PLXDC1: variants seen among roughly 807,000 people sequenced by gnomAD.
PLXDC1 encodes plexin domain containing 1.
Under a neutral mutation model 61.3 loss-of-function variants are expected in PLXDC1, and 39 were observed. The observed-to-expected ratio is 0.64, with a 90% CI of 0.49 to 0.83. PLXDC1 has a LOEUF of 0.83. Ranked by LOEUF, PLXDC1 falls within the 40% of genes least tolerant of loss-of-function variation. The probability of loss-of-function intolerance (pLI) is 0.00; values close to 1 mark genes in which losing one functional copy is unlikely to be tolerated. For synonymous variants in PLXDC1, 212 were observed against 254.5 expected, an observed-to-expected ratio of 0.83 and a Z score of 1.59; for missense variants, 596 against 666.5, an observed-to-expected ratio of 0.89 and a Z score of 1.17.
chr17:39,106,717 T>G (rs1260235245), intron 6 of PLXDC1, among the ~76,000 whole-genome samples: 1 of 148,814 alleles, frequency 6.7e-6, no homozygotes, highest in Admixed American at 6.8e-5. Flanking sequence ...TGGCACGATC[T>G]CAGCTCACTG....
chr17:39,151,667 G>T (rs1166389790), upstream of PLXDC1: 10 of 201,668 alleles, frequency 5.0e-5, no homozygotes, highest in Non-Finnish European at 8.4e-5. This position sits in a 1 kb window ranked among gnomAD's most constrained non-coding sequence, Gnocchi z 5.2. Flanking sequence ...CCGCTGGGTC[G>T]GTGGGGGTGG....
At chr17:39,134,742 C>T (rs1033659252) in intron 2 of PLXDC1, among the ~76,000 whole-genome samples, 1 of 152,154 alleles carries the variant, frequency 6.6e-6, no homozygotes, top group Non-Finnish European at 1.5e-5. Context: ...TACCATTCCT[C>T]CAGGGACAAG....
At chr17:39,118,906 A>T (rs1197288527) in intron 2 of PLXDC1, among the ~76,000 whole-genome samples, 13 of 152,256 alleles carry the variant, frequency 8.5e-5, no homozygotes, top group Non-Finnish European at 1.8e-4. Context: ...GAAACCATTC[A>T]AGATGAACAG....
rs1190603148 is a variant in PLXDC1, at chr17:39,109,401, C to T, written c.256-10G>A. 7 of 1,575,592 alleles carry T rather than the reference C, an allele frequency of 4.4e-6. No individual in the cohort carries two copies. The highest frequency in any genetic ancestry group is 5.2e-6 in the Non-Finnish European group (6 of 1,160,600). On this transcript the variant is annotated splice_polypyrimidine_tract_variant and intron_variant, in intron 2 of 13. Transcript: ENST00000315392. ...AGCTGTGGTTGTCCTCCTGCCGGCACCCAAGATAAAGCCCACAGGAGGTGT... is the reference window on the plus strand; with the variant it reads ...AGCTGTGGTTGTCCTCCTGCCGGCATCCAAGATAAAGCCCACAGGAGGTGT...
At chr17:39,118,902 A>G (rs539737420) in intron 2 of PLXDC1, among the ~76,000 whole-genome samples, 1 of 152,348 alleles carries the variant, frequency 6.6e-6, no homozygotes, top group African/African-American at 2.4e-5. Flanking sequence ...AACTGAAACC[A>G]TTCAAGATGA....
chr17:39,127,945 A>C (rs1267329876), intron 2 of PLXDC1, among the ~76,000 whole-genome samples: 3 of 54,164 alleles, frequency 5.5e-5, no homozygotes, highest in Non-Finnish European at 1.1e-4. Flanking sequence ...CCATCTCACA[A>C]AAAAAAAAAA....
At chr17:39,091,287 C>T (rs1157712098) in intron 7 of PLXDC1, among the ~76,000 whole-genome samples, 1 of 151,190 alleles carries the variant, frequency 6.6e-6, no homozygotes, top group African/African-American at 2.4e-5. Flanking sequence ...TCAGAGAGTA[C>T]TTATCTTGGA....
Position 39,151,439 on chromosome 17 carries a change from G to T in PLXDC1, c.-2C>A, listed in dbSNP as rs1597664814. The T allele has an allele frequency of 1.6e-6, 2 of 1,281,132 alleles. No individual in the cohort carries two copies. Among genetic ancestry groups the T allele is most frequent in the Admixed American group, 4.0e-5 (1 of 24,976 alleles). The allele number at this position is 1,281,132 out of a possible 1,614,324, so 79.4% of individuals were successfully genotyped here. ...CAGGAGCCAGAGCTCGCCTCGCATGGTGGGTGCCCGGACCTGCCCCCGGCC... is the reference window on the plus strand; with the variant it reads ...CAGGAGCCAGAGCTCGCCTCGCATGTTGGGTGCCCGGACCTGCCCCCGGCC... On this transcript the variant is annotated 5_prime_UTR_variant, in exon 1 of 14. Coordinates refer to ENST00000315392, the MANE Select transcript of PLXDC1 (RefSeq NM_020405.5). This position sits in a 1 kb window ranked among gnomAD's most constrained non-coding sequence, Gnocchi z 5.2.
At chr17:39,085,436 C>T (rs1408647128) in intron 8 of PLXDC1, among the ~76,000 whole-genome samples, 3 of 152,164 alleles carry the variant, frequency 2.0e-5, no homozygotes, top group South Asian at 2.1e-4. Context: ...CATGGTATGT[C>T]GAATCAATAT....
At chr17:39,127,943 C>CAAAAAAA (rs35444362) in intron 2 of PLXDC1, among the ~76,000 whole-genome samples, 3 of 52,918 alleles carry the variant, frequency 5.7e-5, no homozygotes, top group Non-Finnish European at 9.6e-5. Flanking sequence ...CTCCATCTCA[C>CAAAAAAA]AAAAAAAAAA....
intron 3 of PLXDC1, 112 bp downstream of exon 3, chr17:39,109,136 T>C: frequency 1.4e-6 from 2 of 1,418,078 alleles, no homozygotes; most frequent in Non-Finnish European, 9.7e-7. Flanking sequence ...CCCTGGAAGG[T>C]ACCTCCCAGG....
At chr17:39,079,652 G>A (rs1909478478) in intron 9 of PLXDC1, 1 of 432,416 alleles carries the variant, frequency 2.3e-6, no homozygotes, top group African/African-American at 2.0e-5. Context: ...ACAACTGGCT[G>A]ACAAGGGTCT....
At chr17:39,115,157 C>T (rs988448328) in intron 2 of PLXDC1, among the ~76,000 whole-genome samples, 1 of 152,206 alleles carries the variant, frequency 6.6e-6, no homozygotes. Flanking sequence ...GATCCCTGGA[C>T]TCATTCTTGG....
chr17:39,107,706 A>T (rs1910648388), intron 5 of PLXDC1, 181 bp from the exon 6 acceptor site: 1 of 630,500 alleles, frequency 1.6e-6, no homozygotes, highest in Non-Finnish European at 2.9e-6. Flanking sequence ...TCCAAGCAGC[A>T]GAGGAGCCAG....
intron 7 of PLXDC1, among the ~76,000 whole-genome samples, chr17:39,098,741 G>A (rs1910314769): frequency 6.6e-6 from 1 of 152,146 alleles, no homozygotes; most frequent in Non-Finnish European, 1.5e-5. Flanking sequence ...GGAGAATGGT[G>A]CCAAGCAGTA....
chr17:39,092,971 A>G (rs1910010931), intron 7 of PLXDC1, among the ~76,000 whole-genome samples: 1 of 152,222 alleles, frequency 6.6e-6, no homozygotes. Context: ...CCTCTCACCC[A>G]GCTGCATACA....
intron 10 of PLXDC1, among the ~76,000 whole-genome samples, chr17:39,078,506 A>C (rs1471310550): frequency 2.0e-5 from 3 of 152,236 alleles, no homozygotes; most frequent in Non-Finnish European, 4.4e-5. Flanking sequence ...CACATGCAGC[A>C]TGCTTGCTTT....
intron 7 of PLXDC1, among the ~76,000 whole-genome samples, chr17:39,105,582 A>G (rs1437173978): frequency 6.6e-6 from 1 of 152,132 alleles, no homozygotes; most frequent in African/African-American, 2.4e-5. Context: ...GGTTTTCTAC[A>G]TAGAACAGGG....
chr17:39,088,831 C>T (rs913617474), intron 7 of PLXDC1, among the ~76,000 whole-genome samples: 2 of 150,690 alleles, frequency 1.3e-5, no homozygotes, highest in African/African-American at 2.4e-5. Flanking sequence ...CGCCTGTAAT[C>T]CCAGCTACTT....
Sources: gnomAD v4.1 joint callset for allele counts (sites outside exome capture counted in the v4.1 genomes callset) on GRCh38, gnomAD v4.1.1 for gene constraint, Gnocchi (gnomAD v3.1) non-coding constraint, MANE v1.5 for transcripts, NCBI Gene and HGNC (gene_info 2026-07-23, HGNC 2026-07-21) for gene names.